The following PCDH15 variants were observed in gnomAD, a reference collection of about 807,000 sequenced individuals.
The protein encoded by PCDH15 is protocadherin related 15, also known as protocadherin-15.
A neutral mutation model predicts 178.5 loss-of-function variants in PCDH15; 129 were observed. The observed-to-expected ratio is 0.72, with a 90% CI of 0.63 to 0.84. The LOEUF (loss-of-function observed/expected upper bound fraction) is 0.84, where lower values mean the gene tolerates loss of function less well. PCDH15 is among the 40% of genes least tolerant of loss of function. PCDH15 has a pLI of 0.00. For missense variants in PCDH15, 2,230 were observed against 2,099.9 expected, an observed-to-expected ratio of 1.06 and a Z score of -1.21; for synonymous variants, 800 against 732.0, an observed-to-expected ratio of 1.09 and a Z score of -1.50.
chr10:54,061,184 T>A (rs1306220085), intron 18 of PCDH15, among the ~76,000 whole-genome samples: 1 of 152,132 alleles, frequency 6.6e-6, no homozygotes, highest in Non-Finnish European at 1.5e-5. Flanking sequence ...TGCAGTTGAG[T>A]ATGAGGCCTC....
At chr10:53,920,773 AT>A (rs565322435) in intron 25 of PCDH15, among the ~76,000 whole-genome samples, 1 of 151,972 alleles carries the variant, frequency 6.6e-6, no homozygotes, top group African/African-American at 2.4e-5. Flanking sequence ...TAAAGCATAC[AT>A]TTTTTTTCCT....
At chr10:54,672,393 C>A (rs915391802) in intron 1 of PCDH15, among the ~76,000 whole-genome samples, 21 of 152,086 alleles carry the variant, frequency 1.4e-4, no homozygotes, top group African/African-American at 5.1e-4. Context: ...CTATGACTTG[C>A]TTCTAATGTG....
intron 20 of PCDH15, among the ~76,000 whole-genome samples, chr10:54,014,729 G>A (rs1182268675): frequency 1.3e-5 from 2 of 151,892 alleles, no homozygotes; most frequent in African/African-American, 4.8e-5. Context: ...TGTTAAGAAC[G>A]CTTAACAAAC....
At position 55,152,504 on chromosome 10, in the gene PCDH15, T is replaced by G. The variant is rs1347276453; in HGVS notation, c.-80+14072A>C. On this transcript the variant is annotated intron_variant, in intron 2 of 5. Transcript: ENST00000458638. ...TAAATTGGAGAATATAGCAGAAGCT[T>G]GAGGTCATAGAGCAGATAAATGTTA... 2.0e-5 allele frequency among the ~76,000 whole-genome samples: 3 copies of G among 152,264 alleles called. No homozygotes were observed. In the East Asian group the frequency reaches 5.8e-4, roughly 29 times the overall value.
chr10:55,288,750 T>C (rs969657057), intron 1 of PCDH15, among the ~76,000 whole-genome samples: 3 of 151,988 alleles, frequency 2.0e-5, no homozygotes, highest in African/African-American at 7.2e-5. Flanking sequence ...TGTATGTACA[T>C]ACCACATTTT....
intron 1 of PCDH15, among the ~76,000 whole-genome samples, chr10:54,747,304 C>T (rs1470246047): frequency 6.6e-6 from 1 of 152,174 alleles, no homozygotes; most frequent in African/African-American, 2.4e-5. Flanking sequence ...ACAGCAGTCT[C>T]AGGTCTGTTA....
intron 20 of PCDH15, among the ~76,000 whole-genome samples, chr10:54,002,095 A>G (rs1380710875): frequency 7.1e-6 from 1 of 140,322 alleles, no homozygotes; most frequent in Admixed American, 7.3e-5. Flanking sequence ...GTATATATAC[A>G]TGTGTATACA....
intron 8 of PCDH15, among the ~76,000 whole-genome samples, chr10:54,295,094 C>T (rs934403812): frequency 6.6e-5 from 10 of 152,080 alleles, no homozygotes; most frequent in African/African-American, 1.9e-4. Context: ...AGGCCACATT[C>T]CAGTCATATT....
At position 53,839,222 on chromosome 10, in the gene PCDH15, AAG is replaced by A. The variant is rs1491075886; in HGVS notation, c.3983+1096_3983+1097del. ...CGTCTCAAAAAAAAAAAAAAAAAAAAAGAATTGATGAGTAACATGTTAAATAA... is the reference window on the plus strand; with the variant it reads ...CGTCTCAAAAAAAAAAAAAAAAAAAAAATTGATGAGTAACATGTTAAATAA... On this transcript the variant is annotated intron_variant, in intron 29 of 37. Coordinates refer to ENST00000644397, the MANE Select transcript of PCDH15 (RefSeq NM_001384140.1). 7.9e-5 allele frequency among the ~76,000 whole-genome samples: 12 copies of A among 151,194 alleles called. No homozygotes were observed. In the East Asian group the frequency reaches 1.6e-3, roughly 20 times the overall value.
intron 3 of PCDH15, among the ~76,000 whole-genome samples, chr10:54,481,977 A>T (rs2078751335): frequency 6.6e-6 from 1 of 151,798 alleles, no homozygotes. Context: ...AGAGAGGAAC[A>T]ATGAAAAATC....
intron 2 of PCDH15, among the ~76,000 whole-genome samples, chr10:55,427,918 A>C (rs1323434060): frequency 2.0e-5 from 3 of 152,128 alleles, no homozygotes; most frequent in African/African-American, 7.2e-5. Context: ...AAAATGTATA[A>C]GGTTATGATC....
chr10:53,842,924 A>G (rs974051814), intron 28 of PCDH15, among the ~76,000 whole-genome samples: 8 of 152,318 alleles, frequency 5.3e-5, no homozygotes, highest in African/African-American at 1.7e-4. Context: ...TTCCAAGGAA[A>G]TCCTTCATAT....
intron 20 of PCDH15, among the ~76,000 whole-genome samples, chr10:54,007,581 G>C (rs2092429377): frequency 6.6e-6 from 1 of 152,026 alleles, no homozygotes; most frequent in Admixed American, 6.6e-5. Context: ...ATCATCACAG[G>C]TTTTGTTTTG....
chr10:54,138,886 TG>T (rs1470753024), intron 14 of PCDH15, among the ~76,000 whole-genome samples: 3 of 152,198 alleles, frequency 2.0e-5, no homozygotes, highest in Admixed American at 2.0e-4. Context: ...TAATGGTTTA[TG>T]TATGTTCATG....
intron 2 of PCDH15, among the ~76,000 whole-genome samples, chr10:55,002,733 C>A (rs1839821795): frequency 6.6e-6 from 1 of 152,208 alleles, no homozygotes; most frequent in East Asian, 1.9e-4. Flanking sequence ...GGCCCAAGTA[C>A]TATTATGGAA....
At chr10:54,390,255 C>G (rs1950385945) in intron 3 of PCDH15, among the ~76,000 whole-genome samples, 1 of 151,710 alleles carries the variant, frequency 6.6e-6, no homozygotes, top group Non-Finnish European at 1.5e-5. Context: ...ATTTCTAGCT[C>G]CCTGCCAATA....
intron 2 of PCDH15, among the ~76,000 whole-genome samples, chr10:55,451,638 G>T (rs182260022): frequency 6.6e-6 from 1 of 152,286 alleles, no homozygotes; most frequent in East Asian, 1.9e-4. Context: ...TCATTCAGAA[G>T]CTCATGAAAC....
chr10:54,415,044 GA>G (rs1458681500), intron 3 of PCDH15, among the ~76,000 whole-genome samples: 1 of 151,976 alleles, frequency 6.6e-6, no homozygotes, highest in Non-Finnish European at 1.5e-5. Context: ...TATTCAACCA[GA>G]AATACCATTT....
chr10:54,472,041 A>C (rs1036661543), intron 3 of PCDH15, among the ~76,000 whole-genome samples: 3 of 152,150 alleles, frequency 2.0e-5, no homozygotes, highest in Admixed American at 6.6e-5. Flanking sequence ...CCAAATATAA[A>C]GAAATAGGGG....
Sources: gnomAD v4.1 joint callset for allele counts (sites outside exome capture counted in the v4.1 genomes callset) on GRCh38, gnomAD v4.1.1 for gene constraint, MANE v1.5 for transcripts, NCBI Gene and HGNC (gene_info 2026-07-23, HGNC 2026-07-21) for gene names.